CHCHD6: variants seen among roughly 807,000 people sequenced by gnomAD.
CHCHD6 encodes the protein MICOS complex subunit MIC25.
In CHCHD6, 28 loss-of-function variants were observed where a neutral mutation model predicts 32.3. The observed-to-expected ratio is 0.87, with a 90% confidence interval of 0.64 to 1.19. The LOEUF (loss-of-function observed/expected upper bound fraction) is 1.19, where lower values mean the gene tolerates loss of function less well. CHCHD6 is among the 50% of genes most tolerant of loss of function. The pLI is 0.00. For synonymous variants in CHCHD6, 122 were observed against 117.5 expected (o/e 1.04, Z -0.25); for missense variants, 333 against 307.0 (o/e 1.08, Z -0.63).
intron 6 of CHCHD6, among the ~76,000 whole-genome samples, chr3:126,951,297 A>G (rs2078712096): frequency 6.6e-6 from 1 of 152,220 alleles, no homozygotes; most frequent in Non-Finnish European, 1.5e-5. Flanking sequence ...TTCTTTATAA[A>G]TTACCCAGTC....
intron 4 of CHCHD6, among the ~76,000 whole-genome samples, chr3:126,834,053 CAAAA>C (rs55790919): frequency 6.8e-5 from 3 of 44,434 alleles, no homozygotes; most frequent in Admixed American, 2.7e-4. Flanking sequence ...GACTCCGTCT[CAAAA>C]AAAAAAAAAA....
At position 126,854,655 on chromosome 3, in the gene CHCHD6, C is replaced by T. The variant is rs548482705; in HGVS notation, c.495+1925C>T. ...TTGACATTTCCAGCTTCTGTACACACGGCTCCAGGACTTCCCAATCATCAC... is the reference window on the plus strand; with the variant it reads ...TTGACATTTCCAGCTTCTGTACACATGGCTCCAGGACTTCCCAATCATCAC... On this transcript the variant is annotated intron_variant, in intron 5 of 7. Coordinates refer to ENST00000290913, the MANE Select transcript of CHCHD6 (RefSeq NM_032343.3). 8.2e-4 allele frequency among the ~76,000 whole-genome samples: 125 copies of T among 152,300 alleles called. 1 individual carries two copies. In the South Asian group the frequency reaches 0.013, roughly 15 times the overall value.
At chr3:126,723,059 C>T (rs1045915661) in intron 1 of CHCHD6, among the ~76,000 whole-genome samples, 12 of 152,092 alleles carry the variant, frequency 7.9e-5, no homozygotes, top group South Asian at 2.1e-4. Context: ...TTGAAGAGAC[C>T]GCTCTTTCCC....
chr3:126,866,531 T>C (rs770568610), intron 5 of CHCHD6, among the ~76,000 whole-genome samples: 3 of 152,214 alleles, frequency 2.0e-5, no homozygotes, highest in Non-Finnish European at 4.4e-5. Flanking sequence ...CATGAATGAT[T>C]TGGGACAGTA....
intron 4 of CHCHD6, among the ~76,000 whole-genome samples, chr3:126,783,680 A>G (rs1400776517): frequency 6.6e-6 from 1 of 151,970 alleles, no homozygotes; most frequent in East Asian, 1.9e-4. Flanking sequence ...AATCCCATTT[A>G]CATAGCATCA....
At chr3:126,934,037 T>C (rs986391738) in intron 6 of CHCHD6, among the ~76,000 whole-genome samples, 1 of 152,236 alleles carries the variant, frequency 6.6e-6, no homozygotes, top group African/African-American at 2.4e-5. Context: ...GCCTCAGCCT[T>C]GAGCATTTCC....
intron 6 of CHCHD6, among the ~76,000 whole-genome samples, chr3:126,937,246 C>T (rs755938046): frequency 4.6e-5 from 7 of 152,230 alleles, no homozygotes; most frequent in Non-Finnish European, 1.0e-4. Context: ...TACGGCCATT[C>T]ATTTTATTGG....
chr3:126,722,118 C>G (rs933695007), intron 1 of CHCHD6, among the ~76,000 whole-genome samples: 1 of 152,196 alleles, frequency 6.6e-6, no homozygotes, highest in Non-Finnish European at 1.5e-5. Flanking sequence ...TGGTAACTCT[C>G]CATATCCTCG....
Position 126,957,499 on chromosome 3 carries a change from T to C in CHCHD6, c.650T>C (p.Leu217Pro), listed in dbSNP as rs775923561. 2.8e-5 allele frequency: 44 copies of C among 1,598,466 alleles called. No homozygotes were observed. The highest frequency in any genetic ancestry group is 3.3e-5 in the Non-Finnish European group (39 of 1,172,832). Residue 217 changes from leucine to proline, a missense_variant, in exon 7 of 8, where the codon CTG (leucine) becomes CCG (proline). By Grantham distance (98) the Leu-to-Pro change is moderately conservative (BLOSUM62 -3). Coordinates refer to ENST00000290913, the MANE Select transcript of CHCHD6 (RefSeq NM_032343.3). ...CYRDRPHEVLLCSDLVKAYQR... is the reference protein window; with the variant it reads ...CYRDRPHEVLPCSDLVKAYQR... ...CGAGATCGCCCGCATGAGGTGCTGCTGTGCTCGGACCTGGTCAAGGCATAC... is the reference window on the plus strand; with the variant it reads ...CGAGATCGCCCGCATGAGGTGCTGCCGTGCTCGGACCTGGTCAAGGCATAC...
chr3:126,959,775 C>G (rs1318685642), intron 7 of CHCHD6, among the ~76,000 whole-genome samples: 1 of 152,220 alleles, frequency 6.6e-6, no homozygotes, highest in African/African-American at 2.4e-5. Context: ...ACCCCAGCAT[C>G]CCAGCAGGCT....
chr3:126,872,219 C>T (rs1372840967), intron 5 of CHCHD6, among the ~76,000 whole-genome samples: 1 of 152,068 alleles, frequency 6.6e-6, no homozygotes, highest in Admixed American at 6.5e-5. Flanking sequence ...CAGGACAGCC[C>T]CTCACAGCAA....
rs148062226 is a variant in CHCHD6, at chr3:126,824,450, A to G, written c.412-28197A>G. 8.4e-4 allele frequency among the ~76,000 whole-genome samples: 122 copies of G among 145,920 alleles called. 4 individuals are homozygous for G. In the East Asian group the frequency reaches 0.025, roughly 30 times the overall value. Reference sequence around the variant, plus strand: ...GTGGTGCGTGCCTGTAATCTCAGCTACTCGGGAGACTGAAGCAGGAGAATC... The same window carrying G: ...GTGGTGCGTGCCTGTAATCTCAGCTGCTCGGGAGACTGAAGCAGGAGAATC... On this transcript the variant is annotated intron_variant, in intron 4 of 7. Coordinates refer to ENST00000290913, the MANE Select transcript of CHCHD6 (RefSeq NM_032343.3).
chr3:126,789,579 G>T (rs886219974), intron 4 of CHCHD6, among the ~76,000 whole-genome samples: 2 of 152,040 alleles, frequency 1.3e-5, no homozygotes, highest in Non-Finnish European at 2.9e-5. Context: ...TTATGTAATG[G>T]CCTTCTTTGT....
chr3:126,842,148 G>A (rs141976980), intron 4 of CHCHD6, among the ~76,000 whole-genome samples: 70 of 152,294 alleles, frequency 4.6e-4, no homozygotes, highest in African/African-American at 1.4e-3. Context: ...CAGCTACTCC[G>A]GAGGCTGAGG....
chr3:126,854,708 T>G (rs1012998756), intron 5 of CHCHD6, among the ~76,000 whole-genome samples: 1 of 152,210 alleles, frequency 6.6e-6, no homozygotes, highest in Non-Finnish European at 1.5e-5. Flanking sequence ...CCCTATTTCC[T>G]TTAAGTTTAG....
intron 5 of CHCHD6, among the ~76,000 whole-genome samples, chr3:126,903,854 C>A (rs967112369): frequency 6.6e-6 from 1 of 152,182 alleles, no homozygotes; most frequent in African/African-American, 2.4e-5. Flanking sequence ...TACTTTGCAG[C>A]CATTTGAAGC....
In CHCHD6 at chr3:126,704,358, G is replaced by A; in HGVS notation, c.46G>A (p.Val16Met). The A allele has an allele frequency of 6.3e-7, 1 of 1,593,038 alleles. No homozygotes were observed. Among genetic ancestry groups the A allele is most frequent in the Non-Finnish European group, 8.5e-7 (1 of 1,171,160 alleles). Residue 16 changes from valine to methionine, a missense_variant, in exon 1 of 8, where the codon GTG becomes ATG. Transcript: ENST00000290913. ...CGAGGGCCGCAGGGTGTCCTTCGGAGTGGACGAGGAGGAGCGGGTCCGGGT... is the reference window on the plus strand; with the variant it reads ...CGAGGGCCGCAGGGTGTCCTTCGGAATGGACGAGGAGGAGCGGGTCCGGGT... The part of the protein sequence containing the change: ...SSEGRRVSFG[V>M]DEEERVRVLQ...
chr3:126,859,548 A>T (rs967440200), intron 5 of CHCHD6, among the ~76,000 whole-genome samples: 1 of 152,228 alleles, frequency 6.6e-6, no homozygotes, highest in Non-Finnish European at 1.5e-5. Context: ...ACAGAATGAC[A>T]GTCACTATAA....
At chr3:126,805,553 G>A (rs1939325782) in intron 4 of CHCHD6, among the ~76,000 whole-genome samples, 1 of 152,012 alleles carries the variant, frequency 6.6e-6, no homozygotes, top group Non-Finnish European at 1.5e-5. Flanking sequence ...AATAAAAGAG[G>A]ATACAAACAA....
Sources: gnomAD v4.1 joint callset for allele counts (sites outside exome capture counted in the v4.1 genomes callset) on GRCh38, gnomAD v4.1.1 for gene constraint, MANE v1.5 for transcripts, NCBI Gene and HGNC (gene_info 2026-07-23, HGNC 2026-07-21) for gene names.